The following ST8SIA6 variants were observed in gnomAD, a reference collection of about 807,000 sequenced individuals.
The protein encoded by ST8SIA6 is alpha-2,8-sialyltransferase 8F.
ST8SIA6 carries 39 observed loss-of-function variants against 33.6 expected under a neutral mutation model. That is an observed-to-expected ratio of 1.16 (90% CI 0.90 to 1.52). The LOEUF (loss-of-function observed/expected upper bound fraction) is 1.52, where lower values mean the gene tolerates loss of function less well. Among genes scored for constraint, ST8SIA6 ranks in the 40% most tolerant of loss-of-function variants. The probability of loss-of-function intolerance (pLI) is 0.00; values close to 1 mark genes in which losing one functional copy is unlikely to be tolerated. For synonymous variants in ST8SIA6, 172 were observed against 167.2 expected, an observed-to-expected ratio of 1.03 and a Z score of -0.22; for missense variants, 441 against 443.8, an observed-to-expected ratio of 0.99 and a Z score of 0.06.
intron 4 of ST8SIA6, among the ~76,000 whole-genome samples, chr10:17,359,159 G>C (rs1247909392): frequency 6.6e-6 from 1 of 152,130 alleles, no homozygotes; most frequent in Non-Finnish European, 1.5e-5. Context: ...TAGAGATTAT[G>C]TTTTCCAAAC....
At chr10:17,413,959 G>T (rs1851530899) in intron 2 of ST8SIA6, among the ~76,000 whole-genome samples, 1 of 152,060 alleles carries the variant, frequency 6.6e-6, no homozygotes, top group Non-Finnish European at 1.5e-5. Flanking sequence ...TATTTATCCA[G>T]CTCACTTATT....
rs1344375921 is a variant in ST8SIA6, at chr10:17,319,619, A to G, written c.*1259T>C. Among the ~76,000 whole-genome samples, 1 of 152,198 alleles carries G rather than the reference A, an allele frequency of 6.6e-6. No homozygotes were observed. Among genetic ancestry groups the G allele is most frequent in the East Asian group, 1.9e-4 (1 of 5,204 alleles). On this transcript the variant is annotated 3_prime_UTR_variant, in exon 8 of 8. Coordinates refer to ENST00000377602, the MANE Select transcript of ST8SIA6 (RefSeq NM_001004470.3). ...TATTTCTGAAATCCATATCAGTGATACTAGAGATTCTGTTTTGATGTTCTA... is the reference window on the plus strand; with the variant it reads ...TATTTCTGAAATCCATATCAGTGATGCTAGAGATTCTGTTTTGATGTTCTA...
chr10:17,430,690 TG>T (rs1449852939), intron 2 of ST8SIA6, among the ~76,000 whole-genome samples: 1 of 152,200 alleles, frequency 6.6e-6, no homozygotes, highest in Non-Finnish European at 1.5e-5. Context: ...TATCTTCTTT[TG>T]AGAACTGTCT....
intron 3 of ST8SIA6, among the ~76,000 whole-genome samples, chr10:17,370,729 TA>T (rs1849706330): frequency 6.6e-6 from 1 of 152,212 alleles, no homozygotes; most frequent in Non-Finnish European, 1.5e-5. Flanking sequence ...TAGCACAGTA[TA>T]CCTTTGCTCC....
At chr10:17,322,232 AAAAGAAAGAG>A (rs1564398181) in intron 7 of ST8SIA6, among the ~76,000 whole-genome samples, 1 of 132,392 alleles carries the variant, frequency 7.6e-6, no homozygotes, top group Non-Finnish European at 1.6e-5. Context: ...GAAAGAAAGA[AAAAGAAAGAG>A]AAAAAGAAAG....
intron 2 of ST8SIA6, among the ~76,000 whole-genome samples, chr10:17,411,723 G>T (rs1373086264): frequency 2.0e-5 from 3 of 152,128 alleles, no homozygotes; most frequent in African/African-American, 7.2e-5. Context: ...TCCAAGACAT[G>T]TCAGGTTTCT....
intron 2 of ST8SIA6, among the ~76,000 whole-genome samples, chr10:17,412,140 T>A (rs1851472999): frequency 6.6e-6 from 1 of 152,102 alleles, no homozygotes; most frequent in African/African-American, 2.4e-5. Flanking sequence ...CCTTTGGGGA[T>A]CCCTCTTGAC....
At chr10:17,402,574 C>T (rs1851087116) in intron 2 of ST8SIA6, among the ~76,000 whole-genome samples, 1 of 152,186 alleles carries the variant, frequency 6.6e-6, no homozygotes, top group Non-Finnish European at 1.5e-5. Context: ...CACATATACA[C>T]CATGGAATAC....
intron 2 of ST8SIA6, among the ~76,000 whole-genome samples, chr10:17,400,103 G>A (rs1021640160): frequency 7.2e-5 from 11 of 152,054 alleles, no homozygotes; most frequent in African/African-American, 2.4e-4. Context: ...TGAGGGGCAG[G>A]GTGAGTCATT....
intron 3 of ST8SIA6, among the ~76,000 whole-genome samples, chr10:17,377,896 A>G (rs1018343852): frequency 6.6e-6 from 1 of 152,214 alleles, no homozygotes; most frequent in African/African-American, 2.4e-5. Context: ...AGTCTGTAAT[A>G]GCACTGATTA....
intron 2 of ST8SIA6, among the ~76,000 whole-genome samples, chr10:17,443,528 A>T (rs1250700658): frequency 6.6e-6 from 1 of 152,258 alleles, no homozygotes; most frequent in Non-Finnish European, 1.5e-5. Flanking sequence ...TTTTACAATA[A>T]CTGCAAAAGC....
chr10:17,447,156 C>T (rs1407512332), intron 2 of ST8SIA6, among the ~76,000 whole-genome samples: 2 of 151,960 alleles, frequency 1.3e-5, no homozygotes, highest in East Asian at 1.9e-4. Flanking sequence ...TTTCGGAGGC[C>T]GAGGGGGCTG....
intron 2 of ST8SIA6, 135 bp downstream of exon 2, chr10:17,453,424 C>A: frequency 1.8e-5 from 10 of 540,662 alleles, no homozygotes; most frequent in Non-Finnish European, 2.5e-5. Context: ...CCTCTTCAAA[C>A]ACACGCACAC....
At chr10:17,330,555 T>C (rs559774274) in intron 5 of ST8SIA6, among the ~76,000 whole-genome samples, 3 of 152,274 alleles carry the variant, frequency 2.0e-5, no homozygotes, top group Admixed American at 6.5e-5. Flanking sequence ...ATAAAAAAAA[T>C]TGGAACAATT....
chr10:17,338,299 T>C (rs371586601), intron 4 of ST8SIA6, among the ~76,000 whole-genome samples: 70 of 152,294 alleles, frequency 4.6e-4, no homozygotes, highest in African/African-American at 1.7e-3. Context: ...TCCCAAAGTG[T>C]TGGGATTACA....
At chr10:17,379,117 A>G (rs1258128231) in intron 3 of ST8SIA6, among the ~76,000 whole-genome samples, 2 of 143,324 alleles carry the variant, frequency 1.4e-5, no homozygotes, top group African/African-American at 5.6e-5. Context: ...CAAGAGTGAG[A>G]CTCTGTCTCA....
At chr10:17,391,119 A>T (rs951401811) in intron 2 of ST8SIA6, among the ~76,000 whole-genome samples, 2 of 152,066 alleles carry the variant, frequency 1.3e-5, no homozygotes, top group Non-Finnish European at 1.5e-5. Flanking sequence ...CAGCCTCCCA[A>T]AGTGCTGGGA....
rs140672325 is a variant in ST8SIA6 at position 17,323,225 on chromosome 10, G to GCA, written c.636-69_636-68insTG. On this transcript the variant is annotated intron_variant, in intron 6 of 7. Transcript: ENST00000377602. Reference sequence around the variant, plus strand: ...GAAAAAAGATTGTATACACACATATGCGCGCACACACACACACACACACAC... The same window carrying GCA: ...GAAAAAAGATTGTATACACACATATGCACGCGCACACACACACACACACACAC... 2.4e-5 allele frequency: 20 copies of GCA among 834,114 alleles called. No individual in the cohort carries two copies. The African/African-American group carries it at 2.6e-4, about 11-fold the overall frequency. 51.7% of individuals were successfully genotyped at this position (834,114 alleles called of 1,614,324 possible). A position where few individuals can be genotyped will look rare whatever the true frequency, so the allele number is the denominator to read the frequency against.
At chr10:17,378,182 G>A (rs969660421) in intron 3 of ST8SIA6, among the ~76,000 whole-genome samples, 8 of 152,268 alleles carry the variant, frequency 5.3e-5, no homozygotes, top group Middle Eastern at 3.4e-3. Context: ...ATGGGCACCC[G>A]GCATTCTCAT....
Sources: gnomAD v4.1 joint callset for allele counts (sites outside exome capture counted in the v4.1 genomes callset) on GRCh38, gnomAD v4.1.1 for gene constraint, MANE v1.5 for transcripts, NCBI Gene and HGNC (gene_info 2026-07-23, HGNC 2026-07-21) for gene names.